The following IL1R1 variants were observed in gnomAD, a reference collection of about 807,000 sequenced individuals.
IL1R1 encodes interleukin-1 receptor type 1.
IL1R1 carries 22 observed loss-of-function variants against 50.2 expected under a neutral mutation model. The observed-to-expected ratio is 0.44, with a 90% CI of 0.31 to 0.63. The LOEUF (loss-of-function observed/expected upper bound fraction) is 0.63, where lower values mean the gene tolerates loss of function less well. Ranked by LOEUF, IL1R1 falls within the 20% of genes least tolerant of loss-of-function variation. The pLI, the probability that IL1R1 is intolerant of heterozygous loss-of-function variation, is 0.07. For missense variants in IL1R1, 509 were observed against 676.2 expected (o/e 0.75, Z 2.74); for synonymous variants, 251 against 236.7 (o/e 1.06, Z -0.55).
chr2:102,135,453 A>C (rs921641307), intron 1 of IL1R1, among the ~76,000 whole-genome samples: 6 of 152,358 alleles, frequency 3.9e-5, no homozygotes, highest in African/African-American at 2.4e-5. Context: ...GAATATAGGC[A>C]TGAATCCATG....
intron 1 of IL1R1, among the ~76,000 whole-genome samples, chr2:102,105,886 C>T (rs1442080117): frequency 6.6e-6 from 1 of 152,154 alleles, no homozygotes. Flanking sequence ...CATTGCCTTG[C>T]ATTTTTATCC....
intron 1 of IL1R1, among the ~76,000 whole-genome samples, chr2:102,087,146 T>C (rs1679465107): frequency 6.6e-6 from 1 of 152,226 alleles, no homozygotes; most frequent in African/African-American, 2.4e-5. Flanking sequence ...CATATCTTAG[T>C]TAAAAATACT....
At chr2:102,118,283 TG>T (rs891981827) in intron 1 of IL1R1, among the ~76,000 whole-genome samples, 9 of 152,188 alleles carry the variant, frequency 5.9e-5, no homozygotes, top group African/African-American at 1.9e-4. Flanking sequence ...GCTGAACATG[TG>T]GAGGGTAGCC....
intron 1 of IL1R1, among the ~76,000 whole-genome samples, chr2:102,153,089 C>T (rs1683841304): frequency 6.6e-6 from 1 of 152,122 alleles, no homozygotes; most frequent in Admixed American, 6.5e-5. Flanking sequence ...TACCACAACC[C>T]AGCTTTTTGA....
chr2:102,074,170 A>G (rs1261124196), intron 1 of IL1R1, among the ~76,000 whole-genome samples: 2 of 152,174 alleles, frequency 1.3e-5, no homozygotes, highest in African/African-American at 2.4e-5. Context: ...TTAGTAATCT[A>G]TTGCTGTGTA....
chr2:102,134,765 CCTT>C (rs1466370307), intron 1 of IL1R1, among the ~76,000 whole-genome samples: 5 of 152,200 alleles, frequency 3.3e-5, no homozygotes, highest in African/African-American at 1.2e-4. Context: ...GAGGGTCTCT[CCTT>C]CTCTTGAGAC....
intron 1 of IL1R1, among the ~76,000 whole-genome samples, chr2:102,133,977 A>C (rs1256141481): frequency 6.6e-6 from 1 of 152,238 alleles, no homozygotes; most frequent in African/African-American, 2.4e-5. Flanking sequence ...TGTAGACAAC[A>C]TAGTGGTCTA....
chr2:102,164,745 A>T (rs537771996), intron 3 of IL1R1, 29 bp from the exon 4 acceptor site: 2 of 1,502,446 alleles, frequency 1.3e-6, no homozygotes, highest in Non-Finnish European at 9.2e-7. Flanking sequence ...TTTTTATGTA[A>T]ATTGCTTCCA....
At chr2:102,158,463 AG>A (rs1462303843) in intron 3 of IL1R1, among the ~76,000 whole-genome samples, 1 of 152,232 alleles carries the variant, frequency 6.6e-6, no homozygotes, top group Non-Finnish European at 1.5e-5. Context: ...AACCTCCCTG[AG>A]AAGCTGACTT....
At chr2:102,158,076 T>C (rs1217725683) in intron 3 of IL1R1, among the ~76,000 whole-genome samples, 2 of 152,260 alleles carry the variant, frequency 1.3e-5, no homozygotes, top group Non-Finnish European at 2.9e-5. Flanking sequence ...GGTCCAGGCC[T>C]CTTTCCACTT....
At chr2:102,152,504 CAAAAAAAAAAAAAAAAAAAAAAAA>C (rs70946674) in intron 1 of IL1R1, among the ~76,000 whole-genome samples, 3 of 29,696 alleles carry the variant, frequency 1.0e-4, no homozygotes, top group East Asian at 2.9e-3. Context: ...GACTCCGTCT[CAAAAAAAAAAAAAAAAAAAAAAAA>C]AAAAAAAAAA....
At chr2:102,125,779 G>C (rs1034065454) in intron 1 of IL1R1, among the ~76,000 whole-genome samples, 2 of 152,208 alleles carry the variant, frequency 1.3e-5, no homozygotes, top group Non-Finnish European at 2.9e-5. Context: ...AATGCGAAGA[G>C]GGTCTGTAAT....
chr2:102,098,598 A>G (rs553435500), intron 1 of IL1R1, among the ~76,000 whole-genome samples: 1 of 152,302 alleles, frequency 6.6e-6, no homozygotes, highest in South Asian at 2.1e-4. Flanking sequence ...TTAATTGCAT[A>G]GTACACTGCA....
At chr2:102,113,540 C>T (rs1279204925) in intron 1 of IL1R1, among the ~76,000 whole-genome samples, 1 of 152,218 alleles carries the variant, frequency 6.6e-6, no homozygotes, top group African/African-American at 2.4e-5. Flanking sequence ...TGGCTTCCCT[C>T]ATTCTATTCC....
intron 1 of IL1R1, among the ~76,000 whole-genome samples, chr2:102,132,976 G>A (rs1682120193): frequency 6.7e-6 from 1 of 148,762 alleles, no homozygotes; most frequent in South Asian, 2.1e-4. Flanking sequence ...AAGGCGCAGT[G>A]GCTCACACCT....
At chr2:102,161,521 C>T (rs548055682) in intron 3 of IL1R1, among the ~76,000 whole-genome samples, 41 of 152,180 alleles carry the variant, frequency 2.7e-4, no homozygotes, top group African/African-American at 8.4e-4. Context: ...CTTGTTCTAT[C>T]GGTCCTTGTG....
At chr2:102,076,161 A>T (rs1312727475) in intron 1 of IL1R1, among the ~76,000 whole-genome samples, 1 of 144,378 alleles carries the variant, frequency 6.9e-6, no homozygotes, top group Non-Finnish European at 1.5e-5. Context: ...TGTAGTTACC[A>T]TTTCTATTGC....
chr2:102,155,052 C>A (rs982172547), intron 2 of IL1R1, among the ~76,000 whole-genome samples: 1 of 152,202 alleles, frequency 6.6e-6, no homozygotes, highest in Non-Finnish European at 1.5e-5. Flanking sequence ...GCCCTGGGAA[C>A]CTTGTTCCTG....
At chr2:102,165,796 C>T (rs1000833286) in intron 5 of IL1R1, among the ~76,000 whole-genome samples, 1 of 152,062 alleles carries the variant, frequency 6.6e-6, no homozygotes, top group Non-Finnish European at 1.5e-5. Context: ...GTACTAAATA[C>T]GTAATATCAA....
Sources: gnomAD v4.1 joint callset for allele counts (sites outside exome capture counted in the v4.1 genomes callset) on GRCh38, gnomAD v4.1.1 for gene constraint, MANE v1.5 for transcripts, NCBI Gene and HGNC (gene_info 2026-07-23, HGNC 2026-07-21) for gene names.